Variants in F8 observed in about 807,000 individuals in gnomAD.
F8 encodes coagulation factor VIII.
F8 carries 12 observed loss-of-function variants against 140.6 expected under a neutral mutation model. That is an observed-to-expected ratio of 0.09 (90% CI 0.05 to 0.14). F8 has a LOEUF of 0.14. Among genes scored for constraint, F8 ranks in the 10% least tolerant of loss-of-function variants. The pLI is 1.00. For missense variants in F8, 1,354 were observed against 1,720.7 expected (o/e 0.79, Z 3.77); for synonymous variants, 585 against 614.6 (o/e 0.95, Z 0.71).
intron 18 of F8, 74 bp downstream of exon 18, chrX:154,903,832 C>T (rs2073022336): frequency 2.2e-6 from 2 of 908,286 alleles, no homozygotes; most frequent in Admixed American, 2.2e-5. Flanking sequence ...ATTGTGTTCC[C>T]AGTGCCTAGA....
rs1385343947 is a variant in F8 at position 154,997,014 on chromosome X, C to A, written c.347G>T (p.Ser116Ile). The A allele has an allele frequency of 8.3e-7, 1 of 1,211,198 alleles. No homozygotes were observed. The highest frequency in any genetic ancestry group is 1.1e-6 in the Non-Finnish European group (1 of 895,050). The change falls in exon 3 of 26, where the codon AGT becomes ATT. Residue 116 changes from serine to isoleucine, a missense_variant. By Grantham distance (142) the Ser-to-Ile change is moderately radical (BLOSUM62 -2). Transcript: ENST00000360256. ...TLKNMASHPV[S>I]LHAVGVSYWK... ...GTAGGATACACCAACAGCATGAAGA[C>A]TGACAGGATGGGAAGCCATGTTCTT...
intron 1 of F8, among the ~76,000 whole-genome samples, chrX:155,020,542 GTAAAAGT>G (rs1326927241): frequency 4.5e-5 from 5 of 110,586 alleles, no homozygotes; most frequent in African/African-American, 1.7e-4. Context: ...AACTGTTTTG[GTAAAAGT>G]TATAAGAAAG....
chrX:154,919,847 G>A (rs782678688), intron 14 of F8: 5 of 250,544 alleles, frequency 2.0e-5, no homozygotes, highest in Non-Finnish European at 3.7e-5. Flanking sequence ...TCAGAAGGCA[G>A]AATCAGTTCC....
rs2073197757 is a variant in F8 at position 154,931,449 on chromosome X, G to T, written c.2341C>A (p.Pro781Thr). 1 of 1,210,707 alleles carries T rather than the reference G, an allele frequency of 8.3e-7. No homozygotes were observed. Among genetic ancestry groups the T allele is most frequent in the South Asian group, 1.8e-5 (1 of 56,968 alleles). ...TCAGTCTTCTCTATGTCATTTTCTG[G>T]AATTGTGGTGGCATTAAATTGCTTT... The part of the protein sequence containing the change: ...RQKQFNATTI[P>T]ENDIEKTDPW... The change falls in exon 14 of 26, where the codon CCA (proline) becomes ACA (threonine). Residue 781 changes from proline to threonine, a missense_variant. Pro to Thr is a conservative substitution (Grantham distance 38, BLOSUM62 -1). Transcript: ENST00000360256.
At chrX:154,981,658 A>G (rs1186409340) in intron 6 of F8, among the ~76,000 whole-genome samples, 1 of 111,117 alleles carries the variant, frequency 9.0e-6, no homozygotes, top group Non-Finnish European at 1.9e-5. Flanking sequence ...ATCTCTTTTA[A>G]TTCTTATCAT....
intron 14 of F8, among the ~76,000 whole-genome samples, chrX:154,912,038 A>G (rs1557276811): frequency 8.9e-6 from 1 of 111,773 alleles, no homozygotes; most frequent in Admixed American, 9.5e-5. Context: ...TTCATTTTTA[A>G]TAGGATCCTT....
chrX:154,875,736 A>AGTGTGTGTGT (rs35911984), intron 22 of F8, among the ~76,000 whole-genome samples: 2 of 93,427 alleles, frequency 2.1e-5, no homozygotes, highest in Non-Finnish European at 4.3e-5. Flanking sequence ...CTAAGAATGT[A>AGTGTGTGTGT]GTGTGTGTGT....
At chrX:154,906,943 A>T in intron 14 of F8, among the ~76,000 whole-genome samples, 1 of 112,402 alleles carries the variant, frequency 8.9e-6, no homozygotes, top group Non-Finnish European at 1.9e-5. Context: ...AAAATTGTGA[A>T]CTAAAAAAAT....
In F8 at chrX:154,953,973, C is replaced by T; in HGVS notation, c.1822G>A (p.Glu608Lys). Reference sequence around the variant, plus strand: ...TTGGGGAGAAAGCGTTGTATATTCTCTGTGAGGTACCAGCTTCGGTTCTCA... The same window carrying T: ...TTGGGGAGAAAGCGTTGTATATTCTTTGTGAGGTACCAGCTTCGGTTCTCA... Reference protein sequence around the residue: ...FDENRSWYLTENIQRFLPNPA... With the variant: ...FDENRSWYLTKNIQRFLPNPA... The change falls in exon 12 of 26, where the codon GAG (glutamate) becomes AAG (lysine). Residue 608 changes from glutamate (E) to lysine (K), a missense_variant. This residue lies in a region of F8 where 252 missense variants were observed against 338.5 expected (regional missense o/e 0.74). Transcript: ENST00000360256. 8.3e-7 allele frequency: 1 copy of T among 1,211,287 alleles called. No individual in the cohort carries two copies. Among genetic ancestry groups the T allele is most frequent in the East Asian group, 3.0e-5 (1 of 33,860 alleles).
intron 1 of F8, among the ~76,000 whole-genome samples, chrX:155,002,740 G>A (rs2073653343): frequency 1.8e-5 from 2 of 111,199 alleles, no homozygotes; most frequent in Middle Eastern, 4.6e-3. Flanking sequence ...GCCAGAAGTC[G>A]AGTTGCTGGA....
intron 3 of F8, among the ~76,000 whole-genome samples, chrX:154,994,329 C>T (rs1468734522): frequency 8.9e-6 from 1 of 111,765 alleles, no homozygotes; most frequent in Non-Finnish European, 1.9e-5. Flanking sequence ...AAAAAAATTG[C>T]CCACATAAAC....
At chrX:155,016,113 C>G (rs1603437570) in intron 1 of F8, among the ~76,000 whole-genome samples, 1 of 110,611 alleles carries the variant, frequency 9.0e-6, no homozygotes, top group South Asian at 3.9e-4. Context: ...GGCGTGTGAC[C>G]ATAGTCCTAG....
intron 6 of F8, among the ~76,000 whole-genome samples, chrX:154,973,799 T>C (rs2073470989): frequency 9.0e-6 from 1 of 111,615 alleles, no homozygotes; most frequent in African/African-American, 3.3e-5. Flanking sequence ...GTTTTGTTTG[T>C]TTTTGTTTTT....
chrX:154,870,415 C>A (rs1213288986), intron 22 of F8, among the ~76,000 whole-genome samples: 1 of 110,377 alleles, frequency 9.1e-6, no homozygotes, highest in Non-Finnish European at 1.9e-5. Context: ...TAAACATAAT[C>A]CATCACATAA....
chrX:154,904,147 C>A, intron 17 of F8, 59 bp from the exon 18 acceptor site: 13 of 1,169,803 alleles, frequency 1.1e-5, no homozygotes, highest in Non-Finnish European at 1.4e-5. Context: ...TTTCTCTCCA[C>A]TCCACCAAAA....
intron 7 of F8, 39 bp downstream of exon 7, chrX:154,969,292 G>T (rs1464703645): frequency 3.6e-6 from 4 of 1,123,316 alleles, no homozygotes; most frequent in Non-Finnish European, 4.9e-6. Flanking sequence ...AGTAGGACTG[G>T]ATATTTATAA....
chrX:154,945,930 C>T (rs1403371075), intron 13 of F8, among the ~76,000 whole-genome samples: 1 of 111,775 alleles, frequency 8.9e-6, no homozygotes, highest in Non-Finnish European at 1.9e-5. Flanking sequence ...AAATCAGTAG[C>T]ATTTCTATAT....
intron 22 of F8, among the ~76,000 whole-genome samples, chrX:154,866,918 A>T (rs1180633693): frequency 9.0e-6 from 1 of 111,603 alleles, no homozygotes; most frequent in Non-Finnish European, 1.9e-5. Context: ...CTAAGAGTTG[A>T]TTTTTTTGAA....
intron 7 of F8, among the ~76,000 whole-genome samples, chrX:154,967,598 A>G (rs1345386185): frequency 2.7e-5 from 3 of 112,125 alleles, no homozygotes; most frequent in Non-Finnish European, 5.6e-5. Flanking sequence ...CTGAGGTTCA[A>G]TAAGATAAAG....
Sources: gnomAD v4.1 joint callset for allele counts (sites outside exome capture counted in the v4.1 genomes callset) on GRCh38, gnomAD v4.1.1 for gene constraint, gnomAD v4.1.1 regional missense constraint, MANE v1.5 for transcripts, NCBI Gene and HGNC (gene_info 2026-07-23, HGNC 2026-07-21) for gene names.